Variants in KDM4C observed in about 807,000 individuals in gnomAD.
KDM4C encodes the protein lysine demethylase 4C, also known as lysine-specific demethylase 4C.
A neutral mutation model predicts 129.3 loss-of-function variants in KDM4C; 81 were observed. The observed-to-expected ratio is 0.63, with a 90% CI of 0.52 to 0.75. KDM4C has a LOEUF of 0.75. Among genes scored for constraint, KDM4C ranks in the 30% least tolerant of loss-of-function variants. KDM4C has a pLI of 0.00. For synonymous variants in KDM4C, 573 were observed against 456.1 expected (o/e 1.26, Z -3.26); for missense variants, 1,457 against 1,304.0 (o/e 1.12, Z -1.81).
chr9:6,739,176 G>A (rs547357952), intron 1 of KDM4C, among the ~76,000 whole-genome samples: 7 of 152,126 alleles, frequency 4.6e-5, no homozygotes, highest in South Asian at 4.2e-4. Context: ...GGGTTCAAGC[G>A]ATTCTTGTGC....
chr9:7,142,778 C>T (rs1464397672), intron 19 of KDM4C, among the ~76,000 whole-genome samples: 2 of 152,146 alleles, frequency 1.3e-5, no homozygotes, highest in African/African-American at 4.8e-5. Context: ...CATTCCTGCA[C>T]CTCCCACATC....
At chr9:6,958,466 A>C (rs1445299584) in intron 8 of KDM4C, among the ~76,000 whole-genome samples, 1 of 151,992 alleles carries the variant, frequency 6.6e-6, no homozygotes, top group Non-Finnish European at 1.5e-5. Context: ...ATGCACCTGT[A>C]ATCTCAGCTA....
At chr9:7,164,542 A>AG (rs781570284) in intron 19 of KDM4C, among the ~76,000 whole-genome samples, 3 of 152,284 alleles carry the variant, frequency 2.0e-5, no homozygotes, top group African/African-American at 4.8e-5. Flanking sequence ...ACATTTATGT[A>AG]GGGGGGTCCA....
intron 8 of KDM4C, among the ~76,000 whole-genome samples, chr9:6,967,421 TAAAAA>T (rs35054106): frequency 8.0e-6 from 1 of 125,020 alleles, no homozygotes; most frequent in South Asian, 2.6e-4. Context: ...AAGCTTCCAC[TAAAAA>T]AAAAAAAAAA....
intron 11 of KDM4C, among the ~76,000 whole-genome samples, chr9:6,989,875 A>G (rs1818409232): frequency 6.6e-6 from 1 of 151,994 alleles, no homozygotes; most frequent in East Asian, 1.9e-4. Context: ...CCTGGGCTCA[A>G]GGGATCCTCC....
intron 18 of KDM4C, among the ~76,000 whole-genome samples, chr9:7,112,048 C>G (rs1838380565): frequency 6.6e-6 from 1 of 152,014 alleles, no homozygotes; most frequent in Non-Finnish European, 1.5e-5. Context: ...AGCTGTCTCT[C>G]ACATGCGCCC....
At chr9:6,786,194 C>T (rs760274304) in intron 1 of KDM4C, among the ~76,000 whole-genome samples, 3 of 152,150 alleles carry the variant, frequency 2.0e-5, no homozygotes, top group Non-Finnish European at 4.4e-5. Flanking sequence ...TAGAGTATTA[C>T]ATTTGGCCGG....
intron 11 of KDM4C, among the ~76,000 whole-genome samples, chr9:6,987,672 G>T (rs1817965307): frequency 6.6e-6 from 1 of 152,042 alleles, no homozygotes; most frequent in African/African-American, 2.4e-5. Flanking sequence ...CGTCTTATCA[G>T]TCTTAAAATG....
upstream of KDM4C, chr9:6,757,823 G>A: frequency 1.0e-6 from 1 of 985,644 alleles, no homozygotes; most frequent in Non-Finnish European, 1.2e-6. Context: ...ACAAGAAGAT[G>A]CGCGCCAGCA....
At chr9:6,819,852 C>T (rs1231923848) in intron 4 of KDM4C, among the ~76,000 whole-genome samples, 3 of 152,034 alleles carry the variant, frequency 2.0e-5, no homozygotes, top group Non-Finnish European at 4.4e-5. Context: ...TTGTTTAATT[C>T]TTTAGTTCAG....
At chr9:7,075,750 G>A (rs1279896859) in intron 17 of KDM4C, among the ~76,000 whole-genome samples, 5 of 151,988 alleles carry the variant, frequency 3.3e-5, no homozygotes, top group Non-Finnish European at 1.5e-5. Context: ...GGAAGGACAA[G>A]CTGGTGAAGA....
chr9:7,103,701 G>A lies in KDM4C; in HGVS notation c.2441G>A (p.Arg814Lys). The part of the protein sequence containing the change: ...QRLKLKCIFC[R>K]HRVKRVSGAC... ...ACCTTCCAGAAATGCATCTTCTGCA[G>A]ACACCGGGTTAAGAGGGTCTCTGGA... is the stretch of plus-strand genomic sequence containing the variant. Residue 814 changes from arginine (R) to lysine (K), a missense_variant, in exon 18 of 22, where the codon AGA (arginine) becomes AAA (lysine). Arg to Lys is a conservative substitution (Grantham distance 26, BLOSUM62 2). Transcript: ENST00000381309. The A allele has an allele frequency of 1.2e-6, 2 of 1,612,730 alleles. No individual in the cohort carries two copies. Among genetic ancestry groups the A allele is most frequent in the East Asian group, 4.5e-5 (2 of 44,760 alleles).
rs977465275 is a variant in KDM4C, at chr9:6,742,051, C to T, written c.49+21054C>T. On this transcript the variant is annotated intron_variant, in intron 1 of 17. Transcript: ENST00000536108. Reference sequence around the variant, plus strand: ...GCAGTGGAGTGATCTCGGCTCACTGCAACCTCCACCTCCCGGGTTCAAGCG... The same window carrying T: ...GCAGTGGAGTGATCTCGGCTCACTGTAACCTCCACCTCCCGGGTTCAAGCG... 8.6e-5 allele frequency among the ~76,000 whole-genome samples: 13 copies of T among 152,036 alleles called. No individual in the cohort carries two copies. The East Asian group carries it at 2.5e-3, about 29-fold the overall frequency.
chr9:6,740,609 C>T (rs1817660019), intron 1 of KDM4C, among the ~76,000 whole-genome samples: 1 of 152,168 alleles, frequency 6.6e-6, no homozygotes, highest in Admixed American at 6.5e-5. Context: ...ACCTCCATCT[C>T]CTGGGTTCAA....
rs1818582967 is a variant in KDM4C, at chr9:6,758,025, G to C, written c.-196G>C. 9 of 985,460 alleles carry C rather than the reference G, an allele frequency of 9.1e-6. No homozygotes were observed. Among genetic ancestry groups the C allele is most frequent in the South Asian group, 4.7e-5 (1 of 21,290 alleles). The allele number at this position is 985,460 out of a possible 1,614,324, so 61.0% of individuals were successfully genotyped here. A position where few individuals can be genotyped will look rare whatever the true frequency, so the allele number is the denominator to read the frequency against. On this transcript the variant is annotated 5_prime_UTR_variant, in exon 1 of 22. Coordinates refer to ENST00000381309, the MANE Select transcript of KDM4C (RefSeq NM_015061.6). This position sits in a 1 kb window ranked among gnomAD's most constrained non-coding sequence, Gnocchi z 4.6. ...GCTGCCTCCCACCCACCCCCTCGAC[G>C]GGAGGGTGAGGCGCGGCGCAGTGAT...
At chr9:7,036,762 T>A (rs983231410) in intron 15 of KDM4C, among the ~76,000 whole-genome samples, 63 of 152,198 alleles carry the variant, frequency 4.1e-4, no homozygotes, top group African/African-American at 1.4e-3. Context: ...AAAAGATTTG[T>A]CTGCACCACC....
intron 14 of KDM4C, 40 bp downstream of exon 14, chr9:7,014,041 C>T: frequency 6.6e-7 from 1 of 1,507,088 alleles, no homozygotes; most frequent in South Asian, 1.2e-5. Context: ...GGCTTTTCAG[C>T]ATTTCACATC....
intron 5 of KDM4C, among the ~76,000 whole-genome samples, chr9:6,859,577 G>C (rs940901392): frequency 2.4e-4 from 35 of 145,652 alleles, no homozygotes; most frequent in Admixed American, 5.5e-4. Flanking sequence ...TTAAAACTGA[G>C]GACTGGCTGG....
At chr9:6,942,403 CTT>C (rs1826127702) in intron 8 of KDM4C, 1 of 143,154 alleles carries the variant, frequency 7.0e-6, no homozygotes, top group Non-Finnish European at 1.5e-5. Flanking sequence ...GCCTCTTTGT[CTT>C]TTTTCTATTT....
Sources: gnomAD v4.1 joint callset for allele counts (sites outside exome capture counted in the v4.1 genomes callset) on GRCh38, gnomAD v4.1.1 for gene constraint, Gnocchi (gnomAD v3.1) non-coding constraint, MANE v1.5 for transcripts, NCBI Gene and HGNC (gene_info 2026-07-23, HGNC 2026-07-21) for gene names.